ATP11A: variants seen among roughly 807,000 people sequenced by gnomAD.
ATP11A encodes ATPase phospholipid transporting 11A.
In ATP11A, 81 loss-of-function variants were observed where a neutral mutation model predicts 154.4. That is an observed-to-expected ratio of 0.52 (90% confidence interval 0.44 to 0.63). ATP11A has a LOEUF of 0.63. Ranked by LOEUF, ATP11A falls within the 30% of genes least tolerant of loss-of-function variation. ATP11A has a pLI of 0.00. For missense variants in ATP11A, 1,316 were observed against 1,474.3 expected, an observed-to-expected ratio of 0.89 and a Z score of 1.76; for synonymous variants, 623 against 585.9, an observed-to-expected ratio of 1.06 and a Z score of -0.91.
intron 13 of ATP11A, 79 bp downstream of exon 13, chr13:112,831,627 G>C (rs1395670775): frequency 4.0e-6 from 6 of 1,513,240 alleles, no homozygotes; most frequent in South Asian, 1.3e-5. Context: ...CTTTTCACTC[G>C]AGTGTCCAGG....
rs779429467 is a variant in ATP11A at position 112,842,369 on chromosome 13, G to A, written c.1799G>A (p.Arg600His). 2.7e-5 allele frequency: 43 copies of A among 1,604,282 alleles called. No individual in the cohort carries two copies. Among genetic ancestry groups the A allele is most frequent in the African/African-American group, 6.7e-5 (5 of 74,962 alleles). ...GACCAGATCCGAGCCAGAGTGGAGC[G>A]TAACGCAGTGGTGAGAGCCGGGCTG... ...KVDQIRARVE[R>H]NAVEGLRTLC... The change falls in exon 17 of 30, where the codon CGT (arginine) becomes CAT (histidine). Residue 600 changes from arginine to histidine, a missense_variant. Arg to His is a conservative substitution (Grantham distance 29). Coordinates refer to ENST00000375645, the MANE Select transcript of ATP11A (RefSeq NM_015205.3).
intron 20 of ATP11A, 97 bp from the exon 21 acceptor site, chr13:112,857,721 G>T: frequency 1.0e-6 from 1 of 1,002,222 alleles, no homozygotes; most frequent in African/African-American, 1.6e-5. Flanking sequence ...TATTTGCCTA[G>T]GCTAACTTTT....
chr13:112,858,030 T>G, intron 21 of ATP11A, 110 bp downstream of exon 21: 1 of 1,561,244 alleles, frequency 6.4e-7, no homozygotes, highest in Non-Finnish European at 8.8e-7. Context: ...GTCACCACCC[T>G]CGTGTGTGAC....
At chr13:112,822,106 T>C (rs746590698) in intron 8 of ATP11A, among the ~76,000 whole-genome samples, 1 of 152,226 alleles carries the variant, frequency 6.6e-6, no homozygotes, top group Non-Finnish European at 1.5e-5. Context: ...TTTTCCATGA[T>C]AGAAGGACAG....
At chr13:112,759,274 G>A (rs535475594) in intron 1 of ATP11A, among the ~76,000 whole-genome samples, 15 of 152,284 alleles carry the variant, frequency 9.9e-5, no homozygotes, top group East Asian at 1.9e-4. Flanking sequence ...TTCCTGTTGC[G>A]TGCTGGGGTT....
At chr13:112,714,076 C>G (rs1377270151) in intron 1 of ATP11A, among the ~76,000 whole-genome samples, 5 of 144,484 alleles carry the variant, frequency 3.5e-5, no homozygotes, top group Non-Finnish European at 7.7e-5. Flanking sequence ...CCCTTCCACT[C>G]CCCCGACCCC....
intron 29 of ATP11A, chr13:112,880,511 G>A: frequency 7.8e-7 from 1 of 1,286,356 alleles, no homozygotes. Flanking sequence ...GCCCCGTGTG[G>A]CCCACGTCGC....
At chr13:112,811,026 T>C (rs1223488131) in intron 5 of ATP11A, among the ~76,000 whole-genome samples, 2 of 152,042 alleles carry the variant, frequency 1.3e-5, no homozygotes, top group African/African-American at 4.8e-5. Context: ...ATGTTTTTTA[T>C]TGGGTGTAGG....
At chr13:112,799,736 A>T (rs1479734930) in intron 2 of ATP11A, among the ~76,000 whole-genome samples, 1 of 152,248 alleles carries the variant, frequency 6.6e-6, no homozygotes, top group East Asian at 1.9e-4. Flanking sequence ...AGCAGACCAC[A>T]CATTCTTCTC....
intron 1 of ATP11A, among the ~76,000 whole-genome samples, chr13:112,757,170 C>G (rs926330701): frequency 6.6e-6 from 1 of 152,218 alleles, no homozygotes; most frequent in African/African-American, 2.4e-5. Flanking sequence ...GGAGTCCAGC[C>G]TACGAGAATG....
chr13:112,803,919 CCCA>C (rs1566504440), intron 2 of ATP11A, among the ~76,000 whole-genome samples: 2 of 89,246 alleles, frequency 2.2e-5, no homozygotes, highest in African/African-American at 4.2e-5. Context: ...CCTCCCTCCC[CCCA>C]TCCCCTCTCT....
chr13:112,793,271 G>T (rs1365462249), intron 2 of ATP11A, among the ~76,000 whole-genome samples: 1 of 152,124 alleles, frequency 6.6e-6, no homozygotes, highest in Non-Finnish European at 1.5e-5. Context: ...GTGCGATCCT[G>T]GCTCACTGCA....
chr13:112,722,893 A>G (rs1889363787), intron 1 of ATP11A, among the ~76,000 whole-genome samples: 1 of 149,752 alleles, frequency 6.7e-6, no homozygotes, highest in Non-Finnish European at 1.5e-5. Context: ...GAAAGGCAGG[A>G]TGACTTGAAG....
intron 1 of ATP11A, among the ~76,000 whole-genome samples, chr13:112,704,257 C>T (rs1053395887): frequency 5.9e-5 from 9 of 152,202 alleles, no homozygotes. Flanking sequence ...CCATTAAGTA[C>T]TGGCCCAGTT....
rs544270951 is a variant in ATP11A, at chr13:112,882,580, G to A, written c.*714G>A. 3.2e-5 allele frequency: 13 copies of A among 410,062 alleles called. No homozygotes were observed. Among genetic ancestry groups the A allele is most frequent in the Middle Eastern group, 6.1e-4 (1 of 1,636 alleles). The allele number at this position is 410,062 out of a possible 1,614,324, so 25.4% of individuals were successfully genotyped here. A position where few individuals can be genotyped will look rare whatever the true frequency, so the allele number is the denominator to read the frequency against. On this transcript the variant is annotated 3_prime_UTR_variant, in exon 30 of 30. Coordinates refer to ENST00000375645, the MANE Select transcript of ATP11A (RefSeq NM_015205.3). The surrounding 1 kb of genome is among the most constrained non-coding windows in gnomAD (Gnocchi z 5.1). ...CTGGGAGTGGTTTCCCTGCGGTTAC[G>A]TCCAAGCCCGCCTGCCCTGTGTGTT... is the stretch of plus-strand genomic sequence containing the variant.
intron 1 of ATP11A, among the ~76,000 whole-genome samples, chr13:112,721,124 C>T (rs1889127315): frequency 6.6e-6 from 1 of 152,174 alleles, no homozygotes; most frequent in Non-Finnish European, 1.5e-5. Flanking sequence ...TCTGTCCGGT[C>T]AGAAGTGGAA....
chr13:112,741,922 C>T (rs567566542), intron 1 of ATP11A, among the ~76,000 whole-genome samples: 50 of 152,288 alleles, frequency 3.3e-4, no homozygotes, highest in African/African-American at 1.2e-3. Flanking sequence ...TCCTCTTCCT[C>T]CATAGACTGC....
In ATP11A at chr13:112,697,170, C is replaced by T. The variant is rs1241639250; in HGVS notation, c.39+6715C>T. Reference sequence around the variant, plus strand: ...GTGGGCTGCTTCCTGTGGCGTCCTGCGGGCTGGCCGCCCCTCGGTGGGCTC... The same window carrying T: ...GTGGGCTGCTTCCTGTGGCGTCCTGTGGGCTGGCCGCCCCTCGGTGGGCTC... On this transcript the variant is annotated intron_variant, in intron 1 of 29. Coordinates refer to ENST00000375645, the MANE Select transcript of ATP11A (RefSeq NM_015205.3). This position sits in a 1 kb window ranked among gnomAD's most constrained non-coding sequence, Gnocchi z 4.0. Among the ~76,000 whole-genome samples the T allele has an allele frequency of 6.6e-6, 1 of 152,194 alleles. No homozygotes were observed. The highest frequency in any genetic ancestry group is 6.5e-5 in the Admixed American group (1 of 15,294).
chr13:112,815,572 G>A (rs1056497389), intron 5 of ATP11A, among the ~76,000 whole-genome samples: 12 of 152,212 alleles, frequency 7.9e-5, no homozygotes, highest in African/African-American at 2.9e-4. Context: ...ACACAAACTA[G>A]ACCATGACCT....
Sources: gnomAD v4.1 joint callset for allele counts (sites outside exome capture counted in the v4.1 genomes callset) on GRCh38, gnomAD v4.1.1 for gene constraint, Gnocchi (gnomAD v3.1) non-coding constraint, MANE v1.5 for transcripts, NCBI Gene and HGNC (gene_info 2026-07-23, HGNC 2026-07-21) for gene names.